The following GRIK1 variants were observed in gnomAD, a reference collection of about 807,000 sequenced individuals.
GRIK1 encodes the protein glutamate ionotropic receptor kainate type subunit 1.
In GRIK1, 69 loss-of-function variants were observed where a neutral mutation model predicts 105.7. That is an observed-to-expected ratio of 0.65 (90% CI 0.54 to 0.80). The LOEUF (loss-of-function observed/expected upper bound fraction) is 0.80, where lower values mean the gene tolerates loss of function less well. Ranked by LOEUF, GRIK1 falls within the 30% of genes least tolerant of loss-of-function variation. The probability of loss-of-function intolerance (pLI) is 0.00; values close to 1 mark genes in which losing one functional copy is unlikely to be tolerated. For synonymous variants in GRIK1, 438 were observed against 431.3 expected, an observed-to-expected ratio of 1.02 and a Z score of -0.19; for missense variants, 1,109 against 1,167.3, an observed-to-expected ratio of 0.95 and a Z score of 0.73.
chr21:29,908,573 C>A (rs370334620), intron 1 of GRIK1, among the ~76,000 whole-genome samples: 10 of 152,292 alleles, frequency 6.6e-5, no homozygotes, highest in African/African-American at 2.4e-4. Flanking sequence ...AGGCCTCCAA[C>A]ATACATTTTC....
At chr21:29,917,495 GAC>G (rs1451876654) in intron 1 of GRIK1, among the ~76,000 whole-genome samples, 4 of 152,000 alleles carry the variant, frequency 2.6e-5, no homozygotes, top group Admixed American at 6.6e-5. Flanking sequence ...CATAGGAAAT[GAC>G]ACAATTTAAT....
chr21:29,777,956 G>A (rs2065992987), intron 1 of GRIK1, among the ~76,000 whole-genome samples: 1 of 152,292 alleles, frequency 6.6e-6, no homozygotes, highest in South Asian at 2.1e-4. Flanking sequence ...GCAACACAAA[G>A]AATTTGGGTC....
intron 1 of GRIK1, among the ~76,000 whole-genome samples, chr21:29,836,136 T>A (rs2067799293): frequency 6.6e-6 from 1 of 152,130 alleles, no homozygotes; most frequent in South Asian, 2.1e-4. Flanking sequence ...AAGTAAAGAG[T>A]ATAATTTCTT....
intron 1 of GRIK1, among the ~76,000 whole-genome samples, chr21:29,859,491 T>G (rs2068572315): frequency 6.6e-6 from 1 of 152,218 alleles, no homozygotes; most frequent in Admixed American, 6.5e-5. Context: ...TGCCCTCTCT[T>G]CTAGCCTCAC....
At chr21:29,710,062 A>G (rs2064007529) in intron 1 of GRIK1, among the ~76,000 whole-genome samples, 1 of 151,622 alleles carries the variant, frequency 6.6e-6, no homozygotes, top group Non-Finnish European at 1.5e-5. Flanking sequence ...TTAATATAAT[A>G]CAATAAATGC....
At chr21:29,887,989 AG>A (rs2069700983) in intron 1 of GRIK1, among the ~76,000 whole-genome samples, 1 of 151,758 alleles carries the variant, frequency 6.6e-6, no homozygotes, top group Non-Finnish European at 1.5e-5. Context: ...GGCAACTAGA[AG>A]TATCAGGTGA....
chr21:29,564,538 T>C (rs1309674860), intron 14 of GRIK1, among the ~76,000 whole-genome samples: 1 of 152,234 alleles, frequency 6.6e-6, no homozygotes, highest in African/African-American at 2.4e-5. Flanking sequence ...AGTCAATGTT[T>C]AGTTCATCCA....
At chr21:29,681,501 C>A (rs559640236) in intron 3 of GRIK1, among the ~76,000 whole-genome samples, 1 of 152,144 alleles carries the variant, frequency 6.6e-6, no homozygotes, top group Admixed American at 6.5e-5. Flanking sequence ...TGACTAGAAC[C>A]GCCTTCTCTC....
At chr21:29,877,852 G>A (rs1444340735) in intron 1 of GRIK1, among the ~76,000 whole-genome samples, 2 of 152,120 alleles carry the variant, frequency 1.3e-5, no homozygotes, top group Non-Finnish European at 2.9e-5. Flanking sequence ...AGAGAGATGA[G>A]AAAGTCACCT....
rs761448016 is a variant in GRIK1 at position 29,577,100 on chromosome 21, G to A, written c.1994C>T (p.Ser665Phe). 4 of 1,612,046 alleles carry A rather than the reference G, an allele frequency of 2.5e-6. No homozygotes were observed. In the South Asian group the frequency reaches 4.4e-5, roughly 18 times the overall value. The change falls in exon 14 of 18, where the codon TCC becomes TTC. Residue 665 changes from serine to phenylalanine, a missense_variant. Physicochemically the swap from Ser to Phe is radical, Grantham distance 155. Transcript: ENST00000327783. ...WWFFTLIIISSYTANLAAFLT... is the reference protein window; with the variant it reads ...WWFFTLIIISFYTANLAAFLT... The stretch of plus-strand genomic sequence containing the variant: ...GAAGGCAGCCAGATTGGCCGTGTAG[G>A]ATGAAATGATGATTAGGGTGAAAAA...
intron 13 of GRIK1, among the ~76,000 whole-genome samples, chr21:29,579,092 A>G (rs1319532774): frequency 6.6e-6 from 1 of 152,162 alleles, no homozygotes; most frequent in Non-Finnish European, 1.5e-5. Flanking sequence ...TTGACATGTA[A>G]TAATACTAAT....
chr21:29,764,054 G>A (rs554753045), intron 1 of GRIK1: 56 of 152,272 alleles, frequency 3.7e-4, no homozygotes, highest in African/African-American at 1.3e-3. Flanking sequence ...TACACATTCG[G>A]AAACATAATT....
rs748095790 is a variant in GRIK1, at chr21:29,588,984, A to C, written c.1424T>G (p.Phe475Cys). 1 of 1,605,696 alleles carries C rather than the reference A, an allele frequency of 6.2e-7. No individual in the cohort carries two copies. Among genetic ancestry groups the C allele is most frequent in the South Asian group, 1.1e-5 (1 of 90,906 alleles). ...CAACAGGTCTAGGCAATATCCTTCA[A>C]ATCTGTCATTTCCATATAGAGGCTT... ...SDKPLYGNDR[F>C]EGYCLDLLKE... Residue 475 changes from phenylalanine (F) to cysteine (C), a missense_variant, in exon 11 of 18, where the codon TTT (phenylalanine) becomes TGT (cysteine). Coordinates refer to ENST00000327783, the MANE Select transcript of GRIK1 (RefSeq NM_001330994.2).
At chr21:29,597,439 C>G (rs55746131) in intron 8 of GRIK1, 6,765 of 191,236 alleles carry the variant, frequency 0.035, 189 homozygotes, top group Non-Finnish European at 0.048. Context: ...CTTTTCTTCC[C>G]CCTTCAGTGC....
Position 29,588,856 on chromosome 21 carries a change from T to C in GRIK1, c.1552A>G (p.Lys518Glu). The change falls in exon 11 of 18, where the codon AAA becomes GAA. Residue 518 changes from lysine (K) to glutamate (E), a missense_variant. Lys to Glu is a moderately conservative substitution (Grantham distance 56). Coordinates refer to ENST00000327783, the MANE Select transcript of GRIK1 (RefSeq NM_001330994.2). The stretch of plus-strand genomic sequence containing the variant: ...TTACTTACGTGATCTATGAGTTCTT[T>C]AACCATCCCGTTCCACTCCCCTTTG... Reference protein sequence around the residue: ...NDKGEWNGMVKELIDHRADLA... With the variant: ...NDKGEWNGMVEELIDHRADLA... 6.3e-7 allele frequency: 1 copy of C among 1,588,700 alleles called. No homozygotes were observed. The highest frequency in any genetic ancestry group is 8.6e-7 in the Non-Finnish European group (1 of 1,156,818).
At chr21:29,877,878 A>G (rs1003442178) in intron 1 of GRIK1, among the ~76,000 whole-genome samples, 1 of 152,174 alleles carries the variant, frequency 6.6e-6, no homozygotes, top group Non-Finnish European at 1.5e-5. Flanking sequence ...ATGCTCCCCA[A>G]TCGAGTAAGA....
chr21:29,723,058 C>G (rs1256191098), intron 1 of GRIK1, among the ~76,000 whole-genome samples: 2 of 152,112 alleles, frequency 1.3e-5, no homozygotes, highest in African/African-American at 2.4e-5. Flanking sequence ...AGCTGACATA[C>G]CTGTAATCCC....
At chr21:29,653,895 C>T (rs2062791972) in intron 5 of GRIK1, among the ~76,000 whole-genome samples, 1 of 152,194 alleles carries the variant, frequency 6.6e-6, no homozygotes. Flanking sequence ...GCATTCATTT[C>T]ATGATGTCCT....
chr21:29,851,105 A>T (rs923086043), intron 1 of GRIK1, among the ~76,000 whole-genome samples: 4 of 150,710 alleles, frequency 2.7e-5, no homozygotes, highest in Admixed American at 6.6e-5. Flanking sequence ...CCCAGACTGG[A>T]GTACAATGGT....
Sources: gnomAD v4.1 joint callset for allele counts (sites outside exome capture counted in the v4.1 genomes callset) on GRCh38, gnomAD v4.1.1 for gene constraint, MANE v1.5 for transcripts, NCBI Gene and HGNC (gene_info 2026-07-23, HGNC 2026-07-21) for gene names.